KDM6A: variants seen among roughly 807,000 people sequenced by gnomAD.
The protein encoded by KDM6A is lysine demethylase 6A.
A neutral mutation model predicts 117.6 loss-of-function variants in KDM6A; 11 were observed. That is an observed-to-expected ratio of 0.09 (90% CI 0.06 to 0.15). The LOEUF is 0.15. Ranked by LOEUF, KDM6A falls within the 10% of genes least tolerant of loss-of-function variation. The pLI, the probability that KDM6A is intolerant of heterozygous loss-of-function variation, is 1.00. For missense variants in KDM6A, 799 were observed against 1,077.3 expected (o/e 0.74, Z 3.62); for synonymous variants, 384 against 396.1 (o/e 0.97, Z 0.36).
intron 2 of KDM6A, among the ~76,000 whole-genome samples, chrX:44,951,095 G>C (rs1023110205): frequency 1.8e-5 from 2 of 111,414 alleles, no homozygotes; most frequent in Non-Finnish European, 3.8e-5. Context: ...TGAGGAAAGG[G>C]TACAGGGGCA....
intron 27 of KDM6A, among the ~76,000 whole-genome samples, chrX:45,094,925 A>G (rs748638037): frequency 1.8e-5 from 2 of 111,293 alleles, no homozygotes; most frequent in African/African-American, 6.5e-5. Context: ...TTAGAAGCCA[A>G]TTATGCTTTG....
intron 2 of KDM6A, among the ~76,000 whole-genome samples, chrX:44,944,185 C>T (rs1219540884): frequency 9.1e-6 from 1 of 110,279 alleles, no homozygotes; most frequent in African/African-American, 3.3e-5. Context: ...AACCCCATTT[C>T]TACTAAAAGT....
At chrX:45,045,598 A>G (rs930654913) in intron 8 of KDM6A, among the ~76,000 whole-genome samples, 2 of 106,388 alleles carry the variant, frequency 1.9e-5, no homozygotes, top group African/African-American at 6.7e-5. Context: ...GAAAAAAAAA[A>G]AAAAAAAAAA....
At chrX:45,087,131 C>T (rs1306177651) in intron 25 of KDM6A, among the ~76,000 whole-genome samples, 1 of 112,518 alleles carries the variant, frequency 8.9e-6, no homozygotes, top group Non-Finnish European at 1.9e-5. Context: ...GCTGGGATTA[C>T]AGGGGTGTGC....
At chrX:45,099,121 G>A (rs995930579) in intron 27 of KDM6A, among the ~76,000 whole-genome samples, 1 of 111,063 alleles carries the variant, frequency 9.0e-6, no homozygotes, top group Admixed American at 9.6e-5. Context: ...CTATGAAAAA[G>A]TAATTTGCAG....
At chrX:45,052,727 C>T (rs2043907644) in intron 9 of KDM6A, among the ~76,000 whole-genome samples, 1 of 111,635 alleles carries the variant, frequency 9.0e-6, no homozygotes, top group Non-Finnish European at 1.9e-5. Flanking sequence ...GACAGAGTCT[C>T]GCTCTGTCCC....
intron 17 of KDM6A, 43 bp from the exon 18 acceptor site, chrX:45,069,536 G>A (rs752213101): frequency 2.7e-6 from 3 of 1,093,105 alleles, no homozygotes; most frequent in South Asian, 3.8e-5. Flanking sequence ...TATATTCTGA[G>A]TTTGCTTAAT....
At chrX:44,981,260 G>A (rs2039892256) in intron 4 of KDM6A, among the ~76,000 whole-genome samples, 1 of 112,008 alleles carries the variant, frequency 8.9e-6, no homozygotes, top group East Asian at 2.8e-4. Context: ...CAGGCCTCCG[G>A]AACTTTTGAA....
At chrX:44,932,872 C>T (rs1312140024) in intron 2 of KDM6A, among the ~76,000 whole-genome samples, 1 of 107,765 alleles carries the variant, frequency 9.3e-6, no homozygotes, top group East Asian at 2.9e-4. Context: ...GTATTTGCTT[C>T]TGTATTTCTT....
At chrX:45,025,257 G>A (rs756198415) in intron 6 of KDM6A, among the ~76,000 whole-genome samples, 34 of 111,235 alleles carry the variant, frequency 3.1e-4, no homozygotes, top group African/African-American at 1.0e-3. Context: ...CCGCCTCCCA[G>A]TTTCGAACAA....
chrX:45,098,091 T>G (rs1347480763), intron 27 of KDM6A, among the ~76,000 whole-genome samples: 2 of 112,080 alleles, frequency 1.8e-5, no homozygotes, highest in East Asian at 5.6e-4. Flanking sequence ...CAAATGAACT[T>G]AATTTCTCCT....
intron 9 of KDM6A, among the ~76,000 whole-genome samples, chrX:45,052,450 C>A (rs183093228): frequency 1.6e-3 from 178 of 111,733 alleles, no homozygotes; most frequent in African/African-American, 5.6e-3. Context: ...TGAATGTTTT[C>A]ATAATGTAAC....
At chrX:44,900,772 C>T (rs1602113072) in intron 2 of KDM6A, among the ~76,000 whole-genome samples, 3 of 111,170 alleles carry the variant, frequency 2.7e-5, no homozygotes, top group South Asian at 7.6e-4. Flanking sequence ...TGGCAGGAGC[C>T]GGTAATCCCA....
At chrX:45,074,329 T>C (rs1376018375) in intron 18 of KDM6A, among the ~76,000 whole-genome samples, 1 of 112,214 alleles carries the variant, frequency 8.9e-6, no homozygotes, top group African/African-American at 3.2e-5. Flanking sequence ...ATGAAAGTTT[T>C]ATTATTTGGC....
intron 8 of KDM6A, among the ~76,000 whole-genome samples, chrX:45,041,021 A>G (rs2043139996): frequency 3.3e-5 from 2 of 61,129 alleles, no homozygotes; most frequent in African/African-American, 6.6e-5. Context: ...TCCCTCCCGG[A>G]CGGGGCGGCT....
intron 4 of KDM6A, among the ~76,000 whole-genome samples, chrX:44,976,613 A>T (rs1240414206): frequency 1.8e-5 from 2 of 111,398 alleles, no homozygotes; most frequent in Non-Finnish European, 3.8e-5. Context: ...ATTATTTTTT[A>T]TTATTGTTAT....
intron 5 of KDM6A, among the ~76,000 whole-genome samples, chrX:45,013,927 T>C (rs1316355162): frequency 1.8e-5 from 2 of 112,193 alleles, no homozygotes; most frequent in African/African-American, 6.5e-5. Context: ...TTTTGTGTTT[T>C]ATTTGTAGAT....
In KDM6A at chrX:45,062,755, A is replaced by G. The variant is rs1383777353; in HGVS notation, c.1683+7A>G. The G allele has an allele frequency of 2.7e-6, 3 of 1,101,308 alleles. No individual in the cohort carries two copies. Among genetic ancestry groups the G allele is most frequent in the Non-Finnish European group, 3.8e-6 (3 of 796,439 alleles). 90.8% of individuals were successfully genotyped at this position (1,101,308 alleles called of 1,213,427 possible). On this transcript the variant is annotated splice_region_variant and intron_variant, in intron 16 of 29. Transcript: ENST00000611820. ...CTTAATGCAACAACACCAAGTGTGT[A>G]TAGCATATTTTTCCCTGAAATTTGT...
At chrX:44,983,708 C>T (rs964808262) in intron 4 of KDM6A, among the ~76,000 whole-genome samples, 2 of 110,020 alleles carry the variant, frequency 1.8e-5, no homozygotes, top group African/African-American at 6.6e-5. Context: ...ATGATGGTTT[C>T]CAGCATCATC....
Sources: gnomAD v4.1 joint callset for allele counts (sites outside exome capture counted in the v4.1 genomes callset) on GRCh38, gnomAD v4.1.1 for gene constraint, MANE v1.5 for transcripts, NCBI Gene and HGNC (gene_info 2026-07-23, HGNC 2026-07-21) for gene names.